Variants in PALLD observed in about 807,000 individuals in gnomAD.
PALLD encodes palladin, cytoskeletal associated protein, also known as palladin.
In PALLD, 61 loss-of-function variants were observed where a neutral mutation model predicts 123.5. The observed-to-expected ratio is 0.49, with a 90% CI of 0.40 to 0.61. The LOEUF (loss-of-function observed/expected upper bound fraction) is 0.61, where lower values mean the gene tolerates loss of function less well. PALLD is among the 20% of genes least tolerant of loss of function. The pLI, the probability that PALLD is intolerant of heterozygous loss-of-function variation, is 0.00. For missense variants in PALLD, 1,273 were observed against 1,377.0 expected (o/e 0.92, Z 1.20); for synonymous variants, 465 against 496.4 (o/e 0.94, Z 0.84).
intron 8 of PALLD, among the ~76,000 whole-genome samples, chr4:168,703,891 C>T (rs113926761): frequency 0.14 from 20,043 of 140,170 alleles, 2,054 homozygotes; most frequent in African/African-American, 0.28. Context: ...TTTCTTTTGC[C>T]GTGCAGAAGC....
chr4:168,895,745 G>A (rs146930175), intron 12 of PALLD, among the ~76,000 whole-genome samples: 457 of 152,264 alleles, frequency 3.0e-3, no homozygotes, highest in Admixed American at 6.7e-3. Context: ...GACCCATGCA[G>A]TTCAAACCTG....
chr4:168,825,002 G>C (rs577140474), intron 10 of PALLD, among the ~76,000 whole-genome samples: 1 of 151,888 alleles, frequency 6.6e-6, no homozygotes, highest in Non-Finnish European at 1.5e-5. Flanking sequence ...TTTTTGTAGA[G>C]ATGGAGTTTT....
chr4:168,838,666 CCTTT>C (rs1187837341), intron 10 of PALLD, among the ~76,000 whole-genome samples: 1 of 127,662 alleles, frequency 7.8e-6, no homozygotes, highest in Non-Finnish European at 1.6e-5. Context: ...TCTTCTAACT[CCTTT>C]TTTTTTTTTT....
intron 2 of PALLD, among the ~76,000 whole-genome samples, chr4:168,575,609 A>G (rs1268776035): frequency 6.6e-6 from 1 of 151,988 alleles, no homozygotes; most frequent in Non-Finnish European, 1.5e-5. Context: ...AAGAATTGGC[A>G]TTTCTAACAA....
At chr4:168,850,290 C>T (rs1747550221) in intron 10 of PALLD, among the ~76,000 whole-genome samples, 1 of 152,020 alleles carries the variant, frequency 6.6e-6, no homozygotes, top group Non-Finnish European at 1.5e-5. Flanking sequence ...TCAGCCCCTA[C>T]TCCCCACCAA....
At chr4:168,741,891 T>C (rs888712253) in intron 10 of PALLD, among the ~76,000 whole-genome samples, 1 of 152,170 alleles carries the variant, frequency 6.6e-6, no homozygotes, top group Non-Finnish European at 1.5e-5. Flanking sequence ...CCAGTCTTCA[T>C]TGACAGCTGA....
intron 10 of PALLD, among the ~76,000 whole-genome samples, chr4:168,879,213 G>A (rs1487795722): frequency 6.6e-6 from 1 of 152,052 alleles, no homozygotes; most frequent in Non-Finnish European, 1.5e-5. Flanking sequence ...GTGATGATGT[G>A]GCAGCCCTAT....
At chr4:168,543,672 T>C (rs1313021676) in intron 2 of PALLD, among the ~76,000 whole-genome samples, 1 of 152,260 alleles carries the variant, frequency 6.6e-6, no homozygotes, top group African/African-American at 2.4e-5. Flanking sequence ...TGAGTCATCA[T>C]TTGAAGGGTA....
intron 2 of PALLD, among the ~76,000 whole-genome samples, chr4:168,632,192 T>C (rs551825930): frequency 3.9e-5 from 6 of 152,006 alleles, no homozygotes; most frequent in Non-Finnish European, 8.8e-5. Context: ...TCACCCTTTT[T>C]TTTTTCCATT....
intron 2 of PALLD, among the ~76,000 whole-genome samples, chr4:168,614,831 G>A (rs1359545169): frequency 6.6e-6 from 1 of 152,166 alleles, no homozygotes; most frequent in Non-Finnish European, 1.5e-5. Context: ...CCCCAGTCCT[G>A]CACGGTAAAC....
At chr4:168,727,239 C>A (rs181275632) in intron 10 of PALLD, among the ~76,000 whole-genome samples, 3 of 152,228 alleles carry the variant, frequency 2.0e-5, no homozygotes, top group African/African-American at 7.2e-5. Flanking sequence ...TGGGTATATA[C>A]CCAGTAGTGG....
intron 2 of PALLD, among the ~76,000 whole-genome samples, chr4:168,600,004 T>C (rs775289480): frequency 1.4e-4 from 16 of 111,684 alleles, no homozygotes; most frequent in African/African-American, 3.8e-4. Flanking sequence ...TACACACACG[T>C]ATATACATAC....
intron 2 of PALLD, among the ~76,000 whole-genome samples, chr4:168,574,854 A>G (rs2149623340): frequency 6.6e-6 from 1 of 152,252 alleles, no homozygotes; most frequent in East Asian, 1.9e-4. Flanking sequence ...AACAAAAGCT[A>G]GAGTAAGAGA....
At chr4:168,714,067 A>G (rs957704394) in intron 10 of PALLD, among the ~76,000 whole-genome samples, 1 of 149,300 alleles carries the variant, frequency 6.7e-6, no homozygotes, top group African/African-American at 2.5e-5. Flanking sequence ...AGAAAATAAT[A>G]TGTGATGATA....
chr4:168,882,720 C>G (rs1322427288), intron 10 of PALLD, among the ~76,000 whole-genome samples: 1 of 152,116 alleles, frequency 6.6e-6, no homozygotes, highest in Non-Finnish European at 1.5e-5. Context: ...TATTTACCAA[C>G]AAATTAGTAG....
chr4:168,511,652 A>G lies in PALLD; in HGVS notation c.148A>G (p.Ile50Val). The change falls in exon 2 of 22, where the codon ATA becomes GTA. Residue 50 changes from isoleucine to valine, a missense_variant. By Grantham distance (29) the Ile-to-Val change is conservative (BLOSUM62 3). Coordinates refer to ENST00000505667, the MANE Select transcript of PALLD (RefSeq NM_001166108.2). ...GAGTCTTGACCTGGCCCGGAGAGCC[A>G]TAGCCGACTCCGAAACAGAAGATTT... Reference protein sequence around the residue: ...NKSLDLARRAIADSETEDFDS... With the variant: ...NKSLDLARRAVADSETEDFDS... 1 of 1,614,188 alleles carries G rather than the reference A, an allele frequency of 6.2e-7. No homozygotes were observed. Among genetic ancestry groups the G allele is most frequent in the Non-Finnish European group, 8.5e-7 (1 of 1,180,024 alleles).
At chr4:168,904,053 C>A in intron 15 of PALLD, 147 bp downstream of exon 15, 1 of 766,686 alleles carries the variant, frequency 1.3e-6, no homozygotes, top group Non-Finnish European at 2.2e-6. Flanking sequence ...ATCTTGGTTT[C>A]AGAGGATAGA....
intron 2 of PALLD, among the ~76,000 whole-genome samples, chr4:168,629,252 G>C (rs936947973): frequency 2.0e-5 from 3 of 152,084 alleles, no homozygotes; most frequent in Non-Finnish European, 4.4e-5. Context: ...GACCTCAGGT[G>C]ATCCGCCCAC....
At chr4:168,707,996 C>A (rs2150190448) in intron 8 of PALLD, among the ~76,000 whole-genome samples, 1 of 152,316 alleles carries the variant, frequency 6.6e-6, no homozygotes, top group South Asian at 2.1e-4. Flanking sequence ...ATGTCCTAAG[C>A]ACAGTATGTC....
Sources: allele counts gnomAD v4.1 joint callset (sites outside exome capture counted in the v4.1 genomes callset), GRCh38; gene constraint gnomAD v4.1.1; transcripts MANE v1.5; gene names NCBI Gene and HGNC (gene_info 2026-07-23, HGNC 2026-07-21).